KCNAB1: variants seen among roughly 807,000 people sequenced by gnomAD.
KCNAB1 encodes potassium voltage-gated channel subfamily A regulatory beta subunit 1, also known as voltage-gated potassium channel subunit beta-1.
In KCNAB1, 35 loss-of-function variants were observed where a neutral mutation model predicts 64.6. That is an observed-to-expected ratio of 0.54 (90% CI 0.41 to 0.72). KCNAB1 has a LOEUF of 0.72. KCNAB1 is among the 30% of genes least tolerant of loss of function. The pLI, the probability that KCNAB1 is intolerant of heterozygous loss-of-function variation, is 0.00. For missense variants in KCNAB1, 401 were observed against 512.9 expected, an observed-to-expected ratio of 0.78 and a Z score of 2.11; for synonymous variants, 177 against 183.8, an observed-to-expected ratio of 0.96 and a Z score of 0.30.
At chr3:156,360,656 A>G (rs1725544231) in intron 1 of KCNAB1, among the ~76,000 whole-genome samples, 2 of 151,940 alleles carry the variant, frequency 1.3e-5, no homozygotes, top group Admixed American at 1.3e-4. Flanking sequence ...TCAAGGCTGT[A>G]GTAAGCTACA....
At chr3:156,377,913 C>T (rs181737080) in intron 1 of KCNAB1, among the ~76,000 whole-genome samples, 8 of 152,116 alleles carry the variant, frequency 5.3e-5, no homozygotes, top group East Asian at 1.9e-4. Flanking sequence ...CAGACAGGAA[C>T]GATTGGTTCC....
At chr3:156,288,196 G>A (rs1287697544) in intron 1 of KCNAB1, among the ~76,000 whole-genome samples, 2 of 152,020 alleles carry the variant, frequency 1.3e-5, no homozygotes, top group Non-Finnish European at 2.9e-5. Context: ...CTTCTATATG[G>A]ACACCAGTCA....
upstream of KCNAB1, chr3:156,120,545 A>T: frequency 6.3e-7 from 1 of 1,580,976 alleles, no homozygotes; most frequent in South Asian, 1.2e-5. Flanking sequence ...GGGAGGCAGA[A>T]GCAGAAAAAT....
rs145805982 is a variant in KCNAB1, at chr3:156,176,857, G to T, written c.275+55971G>T. 15 of 1,114,404 alleles carry T rather than the reference G, an allele frequency of 1.3e-5. No homozygotes were observed. The Admixed American group carries it at 1.7e-4, about 13-fold the overall frequency. 69.0% of individuals were successfully genotyped at this position (1,114,404 alleles called of 1,614,324 possible). On this transcript the variant is annotated intron_variant, in intron 1 of 13. Transcript: ENST00000490337. ...CCCAACAGCAACTCATGCCGCTGCCGCTTGACTGGGACCAGCGGTAACTCT... is the reference window on the plus strand; with the variant it reads ...CCCAACAGCAACTCATGCCGCTGCCTCTTGACTGGGACCAGCGGTAACTCT...
intron 1 of KCNAB1, among the ~76,000 whole-genome samples, chr3:156,419,510 GAA>G (rs58080148): frequency 2.2e-4 from 21 of 97,544 alleles, no homozygotes; most frequent in East Asian, 3.4e-4. Flanking sequence ...CAAAAAAAAA[GAA>G]AAAAAAAAAA....
rs1378356129 is a variant in KCNAB1 at position 156,516,328 on chromosome 3, A to C, written c.924A>C (p.Gly308=). The C allele has an allele frequency of 6.2e-7, 1 of 1,614,026 alleles. No homozygotes were observed. Among genetic ancestry groups the C allele is most frequent in the Admixed American group, 1.7e-5 (1 of 60,028 alleles). The change falls in exon 11 of 14, where the codon GGA becomes GGC. Residue 308 remains glycine, a synonymous_variant. Transcript: ENST00000490337. ...LACGIISGKY[G]NGVPESSRAS... is the part of the protein sequence containing the mutation. Reference sequence around the variant, plus strand: ...GTGGAATCATCTCAGGAAAATACGGAAACGGGGTGCCTGAAAGTTCCAGGG... The same window carrying C: ...GTGGAATCATCTCAGGAAAATACGGCAACGGGGTGCCTGAAAGTTCCAGGG...
At chr3:156,169,792 T>G (rs1711841380) in intron 1 of KCNAB1, among the ~76,000 whole-genome samples, 1 of 152,242 alleles carries the variant, frequency 6.6e-6, no homozygotes, top group Non-Finnish European at 1.5e-5. Context: ...CCCTTCGCCT[T>G]CGGCCATGAT....
intron 7 of KCNAB1, among the ~76,000 whole-genome samples, chr3:156,466,651 A>G (rs1403730893): frequency 6.6e-6 from 1 of 152,070 alleles, no homozygotes; most frequent in African/African-American, 2.4e-5. Flanking sequence ...AGAAGGGAAT[A>G]TACATATGCA....
At position 156,421,590 on chromosome 3, in the gene KCNAB1, C is replaced by G. The variant is rs542840754; in HGVS notation, c.276-26C>G. 6 of 1,611,958 alleles carry G rather than the reference C, an allele frequency of 3.7e-6. No individual in the cohort carries two copies. In the East Asian group the frequency reaches 1.3e-4, roughly 36 times the overall value. On this transcript the variant is annotated intron_variant, in intron 1 of 13. Transcript: ENST00000490337. ...CAGTTCCACCTGAGGAAATGATGAC[C>G]AAGTGTTGCTTTGTTTTTATTATAG...
chr3:156,411,645 C>G (rs1045313431), intron 1 of KCNAB1, among the ~76,000 whole-genome samples: 1 of 152,130 alleles, frequency 6.6e-6, no homozygotes, highest in African/African-American at 2.4e-5. Flanking sequence ...TACCTTTGCA[C>G]CTTTGTCAAA....
chr3:156,378,765 T>C (rs1284727223), intron 1 of KCNAB1, among the ~76,000 whole-genome samples: 1 of 151,994 alleles, frequency 6.6e-6, no homozygotes, highest in Non-Finnish European at 1.5e-5. Flanking sequence ...TCCAAACATG[T>C]TTATTGGTTG....
At chr3:156,132,414 CA>C (rs1423768906) in intron 1 of KCNAB1, among the ~76,000 whole-genome samples, 1 of 152,212 alleles carries the variant, frequency 6.6e-6, no homozygotes, top group African/African-American at 2.4e-5. Flanking sequence ...CATCAGCTCT[CA>C]TTTTGAACCT....
rs181671693 is a variant in KCNAB1, at chr3:156,171,775, T to C, written c.275+50889T>C. Among the ~76,000 whole-genome samples the C allele has an allele frequency of 2.9e-3, 437 of 152,358 alleles. 4 individuals carry two copies. The highest frequency in any genetic ancestry group is 3.4e-3 in the Middle Eastern group (1 of 294). ...ATCTCTAAGTACATAACCAACTCTCTTCTCTGGACAGTCAGTTTCTGAAAA... is the reference window on the plus strand; with the variant it reads ...ATCTCTAAGTACATAACCAACTCTCCTCTCTGGACAGTCAGTTTCTGAAAA... On this transcript the variant is annotated intron_variant, in intron 1 of 13. Transcript: ENST00000490337.
intron 1 of KCNAB1, among the ~76,000 whole-genome samples, chr3:156,202,871 C>T (rs74824193): frequency 0.02 from 2,986 of 152,214 alleles, 47 homozygotes; most frequent in Middle Eastern, 0.051. Flanking sequence ...GTAAAAACCT[C>T]CTTACATTAC....
At chr3:156,246,311 A>G (rs971995010) in intron 1 of KCNAB1, among the ~76,000 whole-genome samples, 8 of 152,204 alleles carry the variant, frequency 5.3e-5, no homozygotes, top group Non-Finnish European at 2.9e-5. Context: ...CATCTAGTCT[A>G]AAAGTTAACA....
At chr3:156,225,697 A>G (rs1469544562) in intron 1 of KCNAB1, among the ~76,000 whole-genome samples, 2 of 152,216 alleles carry the variant, frequency 1.3e-5, no homozygotes, top group African/African-American at 2.4e-5. Context: ...AAAAGCTCCT[A>G]GAACTGGTAA....
chr3:156,490,745 TGA>T (rs1715571053), intron 8 of KCNAB1, among the ~76,000 whole-genome samples: 1 of 152,058 alleles, frequency 6.6e-6, no homozygotes, highest in African/African-American at 2.4e-5. Flanking sequence ...AAGGATATCT[TGA>T]GAGAGAACAG....
At chr3:156,440,675 G>A (rs1373420394) in intron 2 of KCNAB1, among the ~76,000 whole-genome samples, 1 of 152,172 alleles carries the variant, frequency 6.6e-6, no homozygotes, top group Non-Finnish European at 1.5e-5. Context: ...GAGAATCTAT[G>A]CATAGTCCTA....
At chr3:156,211,394 G>A (rs943572273) in intron 1 of KCNAB1, among the ~76,000 whole-genome samples, 1 of 152,154 alleles carries the variant, frequency 6.6e-6, no homozygotes, top group Non-Finnish European at 1.5e-5. Context: ...ATTAGTTTTA[G>A]ATATATGGCC....
Sources: allele counts gnomAD v4.1 joint callset (sites outside exome capture counted in the v4.1 genomes callset), GRCh38; gene constraint gnomAD v4.1.1; transcripts MANE v1.5; gene names NCBI Gene and HGNC (gene_info 2026-07-23, HGNC 2026-07-21).